The following PLXDC1 variants were observed in gnomAD, a reference collection of about 807,000 sequenced individuals.
PLXDC1 encodes plexin domain-containing protein 1.
Under a neutral mutation model 61.3 loss-of-function variants are expected in PLXDC1, and 39 were observed. That is an observed-to-expected ratio of 0.64 (90% confidence interval 0.49 to 0.83). PLXDC1 has a LOEUF of 0.83. Among genes scored for constraint, PLXDC1 ranks in the 40% least tolerant of loss-of-function variants. PLXDC1 has a pLI of 0.00. For synonymous variants in PLXDC1, 212 were observed against 254.5 expected (o/e 0.83, Z 1.59); for missense variants, 596 against 666.5 (o/e 0.89, Z 1.17).
At chr17:39,088,863 C>T (rs945575519) in intron 7 of PLXDC1, among the ~76,000 whole-genome samples, 5 of 143,104 alleles carry the variant, frequency 3.5e-5, no homozygotes, top group Non-Finnish European at 7.5e-5. Context: ...GCAGGAGAAT[C>T]GCTTGAACCT....
chr17:39,130,124 T>C (rs1416346372), intron 2 of PLXDC1, among the ~76,000 whole-genome samples: 1 of 152,104 alleles, frequency 6.6e-6, no homozygotes, highest in East Asian at 1.9e-4. Flanking sequence ...AGGGAGCAAC[T>C]GCTTAATGGG....
intron 1 of PLXDC1, among the ~76,000 whole-genome samples, chr17:39,145,934 C>A (rs957648629): frequency 1.3e-5 from 2 of 152,172 alleles, no homozygotes; most frequent in African/African-American, 4.8e-5. Context: ...GAGCACCCAG[C>A]AAGTCGCCCT....
intron 7 of PLXDC1, among the ~76,000 whole-genome samples, chr17:39,093,123 C>T (rs779198177): frequency 2.6e-5 from 4 of 152,144 alleles, no homozygotes; most frequent in East Asian, 1.9e-4. Flanking sequence ...GCTGGAGTGC[C>T]GTGGTGCAAT....
At chr17:39,127,852 G>A (rs930147928) in intron 2 of PLXDC1, among the ~76,000 whole-genome samples, 1 of 149,538 alleles carries the variant, frequency 6.7e-6, no homozygotes, top group Admixed American at 6.7e-5. Context: ...CAGCTACTCG[G>A]GAGGCTGAGG....
At chr17:39,080,841 A>G (rs1321764393) in intron 9 of PLXDC1, 1 of 152,310 alleles carries the variant, frequency 6.6e-6, no homozygotes. Context: ...AGCCTGACCA[A>G]CCTCCTAATG....
At chr17:39,138,440 A>T (rs571647911) in intron 2 of PLXDC1, among the ~76,000 whole-genome samples, 1 of 152,336 alleles carries the variant, frequency 6.6e-6, no homozygotes, top group South Asian at 2.1e-4. Context: ...AACCGAGCAC[A>T]CGGATTGAAC....
upstream of PLXDC1, chr17:39,152,411 A>T: frequency 2.4e-6 from 2 of 816,356 alleles, no homozygotes; most frequent in Non-Finnish European, 3.3e-6. Flanking sequence ...CCACCTTCTG[A>T]CAGGCTCTGG....
At chr17:39,072,107 G>A (rs1003732571) in intron 12 of PLXDC1, 1 of 334,838 alleles carries the variant, frequency 3.0e-6, no homozygotes, top group Admixed American at 3.9e-5. Flanking sequence ...GATCAGAGGG[G>A]ATGGCCACAG....
In PLXDC1 at chr17:39,087,689, C is replaced by A. The variant is rs759413918; in HGVS notation, c.825G>T (p.Arg275Ser). The A allele has an allele frequency of 2.5e-6, 4 of 1,613,464 alleles. No homozygotes were observed. In the East Asian group the frequency reaches 8.9e-5, roughly 36 times the overall value. ...PSPDVPESRR[R>S]SIFEYHRIEL... is the part of the protein sequence containing the mutation. ...CTATGCGGTGATATTCAAAGATGCT[C>A]CTTCGCCGAGATTCTGAAACAGAGG... The change falls in exon 8 of 14, where the codon AGG becomes AGT. Residue 275 changes from arginine (R) to serine (S), a missense_variant. By Grantham distance (110) the Arg-to-Ser change is moderately radical (BLOSUM62 -1). Coordinates refer to ENST00000315392, the MANE Select transcript of PLXDC1 (RefSeq NM_020405.5).
chr17:39,152,082 C>A (rs1447788675), upstream of PLXDC1, among the ~76,000 whole-genome samples: 1 of 150,138 alleles, frequency 6.7e-6, no homozygotes, highest in South Asian at 2.1e-4. Flanking sequence ...GTCCTCCAGC[C>A]CCCACCCCCA....
intron 7 of PLXDC1, among the ~76,000 whole-genome samples, chr17:39,097,753 T>TA (rs1201201213): frequency 6.7e-6 from 1 of 148,572 alleles, no homozygotes; most frequent in Non-Finnish European, 1.5e-5. Context: ...AATAAATAAA[T>TA]AAGCTGGGCA....
At chr17:39,105,656 A>G (rs945965338) in intron 7 of PLXDC1, among the ~76,000 whole-genome samples, 198 bp downstream of exon 7, 1 of 152,040 alleles carries the variant, frequency 6.6e-6, no homozygotes, top group African/African-American at 2.4e-5. Context: ...CCCATTGGAG[A>G]TTTTGCTGGA....
At chr17:39,128,057 C>G (rs1911366857) in intron 2 of PLXDC1, among the ~76,000 whole-genome samples, 2 of 90,438 alleles carry the variant, frequency 2.2e-5, no homozygotes, top group South Asian at 8.3e-4. Context: ...CTCTCTCTCT[C>G]TCTCTCTCTG....
At chr17:39,109,633 G>T (rs761409707) in intron 2 of PLXDC1, among the ~76,000 whole-genome samples, 1 of 152,158 alleles carries the variant, frequency 6.6e-6, no homozygotes, top group Admixed American at 6.5e-5. Flanking sequence ...CCAAATCCAC[G>T]CCTGCTGCCC....
At chr17:39,128,242 A>T (rs910593161) in intron 2 of PLXDC1, among the ~76,000 whole-genome samples, 1 of 148,468 alleles carries the variant, frequency 6.7e-6, no homozygotes, top group Non-Finnish European at 1.5e-5. Context: ...TTTGAGACAG[A>T]GTTTCACTCT....
chr17:39,117,763 C>T lies in PLXDC1; in HGVS notation c.256-8372G>A, dbSNP rs1274143170. Among the ~76,000 whole-genome samples, 6 of 152,234 alleles carry T rather than the reference C, an allele frequency of 3.9e-5. No individual in the cohort carries two copies. In the East Asian group the frequency reaches 9.7e-4, roughly 24 times the overall value. ...TCACAAAACAAAACCAAGAGACATG[C>T]CTTTTACTTTCTGGAAGCAGAGCTG... is the stretch of plus-strand genomic sequence containing the variant. On this transcript the variant is annotated intron_variant, in intron 2 of 13. Transcript: ENST00000315392.
At chr17:39,129,692 G>GAAAGAAAGAAAGAAGGAAAGA (rs1911481660) in intron 2 of PLXDC1, among the ~76,000 whole-genome samples, 3 of 122,352 alleles carry the variant, frequency 2.5e-5, no homozygotes, top group Non-Finnish European at 5.2e-5. Context: ...AGAAAGAAAA[G>GAAAGAAAGAAAGAAGGAAAGA]AAAGAAAGAA....
At chr17:39,129,752 C>A (rs59630988) in intron 2 of PLXDC1, among the ~76,000 whole-genome samples, 824 of 49,542 alleles carry the variant, frequency 0.017, no homozygotes, top group African/African-American at 0.04. Context: ...GAAAGAAAAG[C>A]AAGAAAGAAA....
At chr17:39,075,397 G>A (rs1909287585) in intron 11 of PLXDC1, among the ~76,000 whole-genome samples, 1 of 152,158 alleles carries the variant, frequency 6.6e-6, no homozygotes. Flanking sequence ...TTGCTACTCT[G>A]CCCTGACCCT....
Sources: gnomAD v4.1 joint callset for allele counts (sites outside exome capture counted in the v4.1 genomes callset) on GRCh38, gnomAD v4.1.1 for gene constraint, MANE v1.5 for transcripts, NCBI Gene and HGNC (gene_info 2026-07-23, HGNC 2026-07-21) for gene names.